ZNF19: variants seen among roughly 807,000 people sequenced by gnomAD.
The protein encoded by ZNF19 is zinc finger protein 19.
Under a neutral mutation model 13.1 loss-of-function variants are expected in ZNF19, and 11 were observed. The ratio of observed to expected loss-of-function variants is 0.84; its 90% confidence interval spans 0.53 to 1.39. The LOEUF (loss-of-function observed/expected upper bound fraction) is 1.39, where lower values mean the gene tolerates loss of function less well. ZNF19 is among the 40% of genes most tolerant of loss of function. The pLI, the probability that ZNF19 is intolerant of heterozygous loss-of-function variation, is 0.00. For missense variants in ZNF19, 560 were observed against 547.0 expected, an observed-to-expected ratio of 1.02 and a Z score of -0.24; for synonymous variants, 186 against 187.0, an observed-to-expected ratio of 0.99 and a Z score of 0.04.
In ZNF19 at chr16:71,475,189, A is replaced by G; in HGVS notation, c.1358T>C (p.Phe453Ser). ...DICRFGLPEFFTPFYW is the reference protein window; with the variant it reads ...DICRFGLPEFSTPFYW ...GTACTATTACCAGTAAAAGGGGGTAAAAAATTCTGGGAGGCCAAAACGACA... is the reference window on the plus strand; with the variant it reads ...GTACTATTACCAGTAAAAGGGGGTAGAAAATTCTGGGAGGCCAAAACGACA... The change falls in exon 6 of 6, where the codon TTT becomes TCT. Residue 453 changes from phenylalanine (F) to serine (S), a missense_variant. Coordinates refer to ENST00000288177, the MANE Select transcript of ZNF19 (RefSeq NM_006961.4). 6.2e-7 allele frequency: 1 copy of G among 1,604,094 alleles called. No individual in the cohort carries two copies.
rs750092610 is a variant in ZNF19 at position 71,475,949 on chromosome 16, C to G, written c.598G>C (p.Gly200Arg). 1 of 1,613,966 alleles carries G rather than the reference C, an allele frequency of 6.2e-7. No individual in the cohort carries two copies. Among genetic ancestry groups the G allele is most frequent in the Non-Finnish European group, 8.5e-7 (1 of 1,179,962 alleles). Residue 200 changes from glycine (G) to arginine (R), a missense_variant, in exon 6 of 6, where the codon GGT becomes CGT. Coordinates refer to ENST00000288177, the MANE Select transcript of ZNF19 (RefSeq NM_006961.4). ...TGGTGCCGAATTAACGAAGAATTAC[C>G]ATTAAAGGCTTTTCCACACTCACTA... is the stretch of plus-strand genomic sequence containing the variant. ...ECSECGKAFNGNSSLIRHQRI... is the reference protein window; with the variant it reads ...ECSECGKAFNRNSSLIRHQRI...
At chr16:71,482,361 A>C (rs2043642855) in intron 2 of ZNF19, 1 of 527,282 alleles carries the variant, frequency 1.9e-6, no homozygotes, top group Non-Finnish European at 3.4e-6. Flanking sequence ...CTAGGACACC[A>C]GAGCCTGTCC....
chr16:71,482,297 C>T (rs2043642138), intron 2 of ZNF19, 154 bp from the exon 3 acceptor site: 2 of 644,346 alleles, frequency 3.1e-6, no homozygotes, highest in Non-Finnish European at 2.7e-6. Context: ...CCACATCATA[C>T]CATGAGGTTT....
At chr16:71,476,445 T>C (rs1362669876) in intron 5 of ZNF19, among the ~76,000 whole-genome samples, 173 bp from the exon 6 acceptor site, 2 of 152,130 alleles carry the variant, frequency 1.3e-5, no homozygotes, top group African/African-American at 2.4e-5. Context: ...GCAGAGAACA[T>C]TGAGGTGGAA....
chr16:71,484,717 G>A lies in ZNF19; in HGVS notation c.-158C>T. The A allele has an allele frequency of 1.0e-6, 1 of 985,388 alleles. No homozygotes were observed. Among genetic ancestry groups the A allele is most frequent in the Non-Finnish European group, 1.2e-6 (1 of 829,906 alleles). The allele number at this position is 985,388 out of a possible 1,614,324, so 61.0% of individuals were successfully genotyped here. The stretch of plus-strand genomic sequence containing the variant: ...CAGTGGTTGTGTGGTTTTACTCCCG[G>A]GAGGAGTTTCCACCCGGGGATCCTC... On this transcript the variant is annotated 5_prime_UTR_variant, in exon 2 of 6. Transcript: ENST00000288177.
chr16:71,487,527 A>G (rs1215753204), intron 1 of ZNF19: 1 of 152,188 alleles, frequency 6.6e-6, no homozygotes, highest in Admixed American at 6.5e-5. Context: ...GTCTGTCACA[A>G]TCTCTACCAT....
At position 71,475,441 on chromosome 16, in the gene ZNF19, T is replaced by G. The variant is rs1243103853; in HGVS notation, c.1106A>C (p.Gln369Pro). The G allele has an allele frequency of 6.2e-7, 1 of 1,614,068 alleles. No individual in the cohort carries two copies. ...CVDCGKAFSA[Q>P]EQLKRHLRIH... ...TCTCAGATGCCTTTTTAATTGTTCC[T>G]GAGCACTGAAGGCTTTTCCACAATC... Residue 369 changes from glutamine to proline, a missense_variant, in exon 6 of 6, where the codon CAG (glutamine) becomes CCG (proline). Coordinates refer to ENST00000288177, the MANE Select transcript of ZNF19 (RefSeq NM_006961.4).
intron 3 of ZNF19, among the ~76,000 whole-genome samples, chr16:71,479,546 A>G (rs2043624735): frequency 6.6e-6 from 1 of 152,170 alleles, no homozygotes; most frequent in African/African-American, 2.4e-5. Flanking sequence ...ATTCTTGTAT[A>G]AAGGACTGGG....
At chr16:71,476,835 T>C (rs997321247) in intron 5 of ZNF19, among the ~76,000 whole-genome samples, 3 of 152,206 alleles carry the variant, frequency 2.0e-5, no homozygotes, top group Admixed American at 6.5e-5. Context: ...CAATATGTTG[T>C]AAGATTACCT....
At position 71,478,978 on chromosome 16, in the gene ZNF19, C is replaced by T. The variant is rs751799613; in HGVS notation, c.61G>A (p.Val21Met). The part of the protein sequence containing the change: ...QEMVTFEDVA[V>M]HFTKTEWTGL... ...GTCCATTCTGTCTTGGTGAAGTGCACAGCCACATCCTCGAAGGTCACCATC... is the reference window on the plus strand; with the variant it reads ...GTCCATTCTGTCTTGGTGAAGTGCATAGCCACATCCTCGAAGGTCACCATC... The change falls in exon 4 of 6, where the codon GTG becomes ATG. Residue 21 changes from valine to methionine, a missense_variant. Coordinates refer to ENST00000288177, the MANE Select transcript of ZNF19 (RefSeq NM_006961.4). The T allele has an allele frequency of 5.6e-6, 9 of 1,614,220 alleles. No homozygotes were observed. Among genetic ancestry groups the T allele is most frequent in the Non-Finnish European group, 5.9e-6 (7 of 1,180,044 alleles).
At chr16:71,484,441 G>T in intron 2 of ZNF19, 148 bp downstream of exon 2, 1 of 896,522 alleles carries the variant, frequency 1.1e-6, no homozygotes, top group Non-Finnish European at 1.3e-6. Context: ...GACCGGGACC[G>T]GCCCGCGAGC....
At chr16:71,484,431 G>A (rs2043660752) in intron 2 of ZNF19, among the ~76,000 whole-genome samples, 158 bp downstream of exon 2, 1 of 152,224 alleles carries the variant, frequency 6.6e-6, no homozygotes, top group Non-Finnish European at 1.5e-5. Flanking sequence ...ACCAGAGGGA[G>A]ACCGGGACCG....
At chr16:71,486,818 G>C (rs1597017258) in intron 1 of ZNF19, among the ~76,000 whole-genome samples, 1 of 152,162 alleles carries the variant, frequency 6.6e-6, no homozygotes, top group East Asian at 1.9e-4. Flanking sequence ...CATTAAGTCT[G>C]GATATAAAAC....
In ZNF19 at chr16:71,473,609, G is replaced by A. The variant is rs1405834877; in HGVS notation, c.*1561C>T. ...TCATGGTTTTATTTTATTTTATTGA[G>A]GAATCTCACTCTGTCACCAGGCTGG... On this transcript the variant is annotated 3_prime_UTR_variant, in exon 6 of 6. Coordinates refer to ENST00000288177, the MANE Select transcript of ZNF19 (RefSeq NM_006961.4). 1 of 152,064 alleles carries A rather than the reference G, an allele frequency of 6.6e-6. No individual in the cohort carries two copies. The highest frequency in any genetic ancestry group is 1.5e-5 in the Non-Finnish European group (1 of 68,000). 9.4% of individuals were successfully genotyped at this position (152,064 alleles called of 1,614,324 possible). A position where few individuals can be genotyped will look rare whatever the true frequency, so the allele number is the denominator to read the frequency against.
At chr16:71,476,309 T>A in intron 5 of ZNF19, 37 bp from the exon 6 acceptor site, 1 of 1,566,374 alleles carries the variant, frequency 6.4e-7, no homozygotes, top group Non-Finnish European at 8.6e-7. Context: ...TAATGCCACC[T>A]GAGAACTATA....
chr16:71,480,221 G>A lies in ZNF19; in HGVS notation c.34-1216C>T, dbSNP rs182828872. ...GATGTTGGTATTGAACTTCGTTACCGGAGTGCTCAGGGAATACACTCCGAC... is the reference window on the plus strand; with the variant it reads ...GATGTTGGTATTGAACTTCGTTACCAGAGTGCTCAGGGAATACACTCCGAC... On this transcript the variant is annotated intron_variant, in intron 3 of 5. Coordinates refer to ENST00000288177, the MANE Select transcript of ZNF19 (RefSeq NM_006961.4). 1.2e-4 allele frequency among the ~76,000 whole-genome samples: 18 copies of A among 152,166 alleles called. No individual in the cohort carries two copies. The South Asian group carries it at 1.7e-3, about 14-fold the overall frequency.
At chr16:71,479,624 T>G (rs2043625452) in intron 3 of ZNF19, among the ~76,000 whole-genome samples, 1 of 152,176 alleles carries the variant, frequency 6.6e-6, no homozygotes, top group South Asian at 2.1e-4. Context: ...CTCTGCTCCT[T>G]GATGGCTTTT....
intron 1 of ZNF19, among the ~76,000 whole-genome samples, chr16:71,485,543 A>T (rs2043672608): frequency 6.7e-6 from 1 of 150,182 alleles, no homozygotes; most frequent in South Asian, 2.1e-4. Context: ...TTAGGAAGTG[A>T]AAACGGTGGA....
chr16:71,485,720 AACAC>A (rs373156823), intron 1 of ZNF19, among the ~76,000 whole-genome samples: 2 of 151,564 alleles, frequency 1.3e-5, no homozygotes, highest in Non-Finnish European at 2.9e-5. Flanking sequence ...AAAAATACTG[AACAC>A]ACACACACAC....
Sources: allele counts gnomAD v4.1 joint callset (sites outside exome capture counted in the v4.1 genomes callset), GRCh38; gene constraint gnomAD v4.1.1; transcripts MANE v1.5; gene names NCBI Gene and HGNC (gene_info 2026-07-23, HGNC 2026-07-21).